Variants in LTBP1 observed in about 807,000 individuals in gnomAD.
LTBP1 encodes latent transforming growth factor beta binding protein 1.
In LTBP1, 129 loss-of-function variants were observed where a neutral mutation model predicts 207.6. The ratio of observed to expected loss-of-function variants is 0.62; its 90% CI spans 0.54 to 0.72. The LOEUF (loss-of-function observed/expected upper bound fraction) is 0.72, where lower values mean the gene tolerates loss of function less well. Among genes scored for constraint, LTBP1 ranks in the 30% least tolerant of loss-of-function variants. The pLI, the probability that LTBP1 is intolerant of heterozygous loss-of-function variation, is 0.00. For missense variants in LTBP1, 2,281 were observed against 2,217.2 expected (o/e 1.03, Z -0.58); for synonymous variants, 963 against 833.7 (o/e 1.16, Z -2.67).
intron 3 of LTBP1, among the ~76,000 whole-genome samples, chr2:33,038,280 C>A (rs1240915064): frequency 6.6e-6 from 1 of 152,228 alleles, no homozygotes; most frequent in Non-Finnish European, 1.5e-5. Flanking sequence ...AGATGCGACT[C>A]CTCCTGTTCT....
In LTBP1 at chr2:33,243,732, A is replaced by G; in HGVS notation, c.1947A>G (p.Arg649=). 6.2e-7 allele frequency: 1 copy of G among 1,613,582 alleles called. No homozygotes were observed. The highest frequency in any genetic ancestry group is 8.5e-7 in the Non-Finnish European group (1 of 1,179,494). The change falls in exon 10 of 34, where the codon CGA becomes CGG. Residue 649 remains arginine (R), a synonymous_variant. Transcript: ENST00000404816. ...GTTTGAATACCATGGGCAGCTATCG[A>G]TGTACCTGCAAAATAGGATTTGGGC... ...GECLNTMGSY[R]CTCKIGFGPD...
chr2:33,111,941 G>T (rs2080433654), intron 4 of LTBP1, among the ~76,000 whole-genome samples: 1 of 152,266 alleles, frequency 6.6e-6, no homozygotes, highest in Admixed American at 6.5e-5. Flanking sequence ...AAAATCCTTT[G>T]ATATTCGTAC....
At chr2:33,104,850 G>A (rs1030984185) in intron 3 of LTBP1, among the ~76,000 whole-genome samples, 3 of 152,038 alleles carry the variant, frequency 2.0e-5, no homozygotes, top group African/African-American at 7.2e-5. Context: ...AGAATAGAGT[G>A]GCCCTTTCTT....
chr2:33,105,712 C>G (rs2080029828), intron 3 of LTBP1, among the ~76,000 whole-genome samples: 1 of 152,162 alleles, frequency 6.6e-6, no homozygotes, highest in Non-Finnish European at 1.5e-5. Flanking sequence ...GGACTACAGA[C>G]TTGAGCCCAG....
intron 7 of LTBP1, among the ~76,000 whole-genome samples, chr2:33,193,606 G>C (rs2088178443): frequency 2.6e-5 from 4 of 152,166 alleles, no homozygotes; most frequent in Admixed American, 2.0e-4. Context: ...TGGCAGCCTT[G>C]CTTATAGGCA....
At chr2:33,284,316 T>G (rs1372510328) in intron 19 of LTBP1, among the ~76,000 whole-genome samples, 1 of 152,224 alleles carries the variant, frequency 6.6e-6, no homozygotes, top group Non-Finnish European at 1.5e-5. Context: ...TCCTCAATAG[T>G]TTATTATCCA....
intron 24 of LTBP1, among the ~76,000 whole-genome samples, chr2:33,318,837 CT>C (rs763451070): frequency 6.6e-5 from 10 of 152,294 alleles, no homozygotes; most frequent in Non-Finnish European, 1.2e-4. Context: ...ATTCTTTTGC[CT>C]TTTTATTTCT....
At chr2:33,171,253 A>G (rs1178152281) in intron 5 of LTBP1, among the ~76,000 whole-genome samples, 8 of 122,678 alleles carry the variant, frequency 6.5e-5, no homozygotes, top group Non-Finnish European at 9.1e-5. Context: ...GAAGTTGAAA[A>G]CTTTGAAAAA....
chr2:33,152,134 TCA>T (rs2083588602), intron 5 of LTBP1, among the ~76,000 whole-genome samples: 1 of 151,704 alleles, frequency 6.6e-6, no homozygotes, highest in African/African-American at 2.4e-5. Flanking sequence ...AATAGACAAC[TCA>T]CAGAGTGGGA....
chr2:33,309,251 C>G (rs1459707789), intron 22 of LTBP1, among the ~76,000 whole-genome samples, 183 bp from the exon 23 acceptor site: 1 of 149,750 alleles, frequency 6.7e-6, no homozygotes, highest in Non-Finnish European at 1.5e-5. Flanking sequence ...CCACTGCACT[C>G]CAGCATGGGT....
At chr2:33,145,947 T>A (rs1202770128) in intron 5 of LTBP1, among the ~76,000 whole-genome samples, 3 of 152,210 alleles carry the variant, frequency 2.0e-5, no homozygotes, top group Admixed American at 2.0e-4. Flanking sequence ...GTAATTATCA[T>A]TTCCCTTCTG....
intron 7 of LTBP1, 80 bp downstream of exon 7, chr2:33,188,931 A>T (rs1376429535): frequency 6.8e-7 from 1 of 1,478,626 alleles, no homozygotes; most frequent in African/African-American, 1.4e-5. Context: ...GACTTGATAA[A>T]AATGCTTTTT....
At chr2:33,203,121 C>G (rs2089500124) in intron 7 of LTBP1, among the ~76,000 whole-genome samples, 1 of 152,178 alleles carries the variant, frequency 6.6e-6, no homozygotes, top group African/African-American at 2.4e-5. Flanking sequence ...CGTGCCAAAC[C>G]TTACCTGCGT....
At chr2:33,124,660 G>C (rs218200) in intron 4 of LTBP1, among the ~76,000 whole-genome samples, 5,648 of 152,330 alleles carry the variant, frequency 0.037, 140 homozygotes, top group Middle Eastern at 0.054. Flanking sequence ...AGATTTTGCT[G>C]TGTAGTATAT....
rs554650135 is a variant in LTBP1, at chr2:33,332,564, T to A, written c.3731-10274T>A. ...GAAATTATATACTTTATTTATTTAA[T>A]TTTTTTTTTTTATATGGAGTCTTGC... On this transcript the variant is annotated intron_variant, in intron 24 of 33. Coordinates refer to ENST00000404816, the MANE Select transcript of LTBP1 (RefSeq NM_206943.4). 1.9e-4 allele frequency among the ~76,000 whole-genome samples: 27 copies of A among 145,738 alleles called. No individual in the cohort carries two copies. In the South Asian group the frequency reaches 5.4e-3, roughly 29 times the overall value.
At chr2:32,994,876 T>G (rs1420025137) in intron 2 of LTBP1, among the ~76,000 whole-genome samples, 4 of 152,166 alleles carry the variant, frequency 2.6e-5, no homozygotes, top group African/African-American at 9.7e-5. Context: ...TCATGGGAGA[T>G]CTTGCATTGG....
chr2:32,964,970 G>A (rs1362732960), intron 2 of LTBP1, among the ~76,000 whole-genome samples: 4 of 152,078 alleles, frequency 2.6e-5, no homozygotes, highest in Non-Finnish European at 4.4e-5. Context: ...AACCAGGGAG[G>A]TGGAGGTTGC....
chr2:33,010,969 C>T (rs377329581), intron 2 of LTBP1, among the ~76,000 whole-genome samples: 1 of 152,078 alleles, frequency 6.6e-6, no homozygotes, highest in African/African-American at 2.4e-5. Context: ...CTGCCTGCCT[C>T]GACCTCCCAA....
intron 9 of LTBP1, among the ~76,000 whole-genome samples, chr2:33,226,668 G>C (rs986816084): frequency 5.9e-5 from 9 of 152,174 alleles, no homozygotes; most frequent in African/African-American, 2.2e-4. Flanking sequence ...AAATAAGTGG[G>C]GAGTTCTTGG....
Sources: allele counts gnomAD v4.1 joint callset (sites outside exome capture counted in the v4.1 genomes callset), GRCh38; gene constraint gnomAD v4.1.1; transcripts MANE v1.5; gene names NCBI Gene and HGNC (gene_info 2026-07-23, HGNC 2026-07-21).